Variants in PBX3 observed in about 807,000 individuals in gnomAD.
PBX3 encodes PBX homeobox 3, also known as pre-B-cell leukemia transcription factor 3.
Under a neutral mutation model 48.5 loss-of-function variants are expected in PBX3, and 14 were observed. That is an observed-to-expected ratio of 0.29 (90% confidence interval 0.19 to 0.45). PBX3 has a LOEUF of 0.45. PBX3 is among the 20% of genes least tolerant of loss of function. The pLI is 1.00. For synonymous variants in PBX3, 210 were observed against 200.3 expected (o/e 1.05, Z -0.41); for missense variants, 386 against 546.7 (o/e 0.71, Z 2.93).
rs1448182181 is a variant in PBX3 at position 125,804,966 on chromosome 9, AGAAG to A, written c.274+56344_274+56347del. On this transcript the variant is annotated intron_variant, in intron 2 of 8. Transcript: ENST00000373489. ...CTGTCTTAAAAAAAAAAAAAAAAAA[AGAAG>A]AAGAAGAAGAGGAAGAAGACAGATA... Among the ~76,000 whole-genome samples the A allele has an allele frequency of 8.7e-5, 6 of 68,722 alleles. No individual in the cohort carries two copies. In the East Asian group the frequency reaches 1.6e-3, roughly 19 times the overall value. 45.1% of individuals were successfully genotyped at this position (68,722 alleles called of 152,430 possible).
chr9:125,929,823 A>C lies in PBX3; in HGVS notation c.685A>C (p.Arg229=), dbSNP rs779158727. ...QSTCEAVMIL[R]SRFLDARRKR... is the part of the protein sequence containing the mutation. ...CACTTGTGAAGCAGTTATGATTTTA[A>C]GATCAAGGTTCCTTGATGCCAGGTA... Residue 229 remains arginine (R), a synonymous_variant, in exon 4 of 9, where the codon AGA becomes CGA. Transcript: ENST00000373489. 9 of 1,613,736 alleles carry C rather than the reference A, an allele frequency of 5.6e-6. No individual in the cohort carries two copies. Among genetic ancestry groups the C allele is most frequent in the South Asian group, 1.1e-5 (1 of 90,996 alleles).
At chr9:125,826,395 A>G (rs978024105) in intron 2 of PBX3, among the ~76,000 whole-genome samples, 1 of 152,188 alleles carries the variant, frequency 6.6e-6, no homozygotes, top group Non-Finnish European at 1.5e-5. Flanking sequence ...TGAAAATCAG[A>G]TAATATAAGT....
chr9:125,770,441 T>C (rs1239934406), intron 2 of PBX3, among the ~76,000 whole-genome samples: 2 of 152,188 alleles, frequency 1.3e-5, no homozygotes, highest in Non-Finnish European at 2.9e-5. Context: ...TTATTTTTGC[T>C]CCTCAATGAA....
chr9:125,904,999 A>G (rs945140659), intron 2 of PBX3, among the ~76,000 whole-genome samples: 3 of 151,940 alleles, frequency 2.0e-5, no homozygotes, highest in Non-Finnish European at 4.4e-5. Flanking sequence ...GTTCAAAATC[A>G]GGTCTCTTTA....
intron 2 of PBX3, among the ~76,000 whole-genome samples, chr9:125,815,108 A>C (rs1838419079): frequency 6.6e-6 from 1 of 152,150 alleles, no homozygotes; most frequent in African/African-American, 2.4e-5. Flanking sequence ...TTTTTGAAAG[A>C]CTGAAAGAAA....
chr9:125,751,181 T>C (rs1287509891), intron 2 of PBX3, among the ~76,000 whole-genome samples: 2 of 152,244 alleles, frequency 1.3e-5, no homozygotes, highest in Non-Finnish European at 2.9e-5. Context: ...TACCTAGTCA[T>C]TTATGAATAG....
At chr9:125,869,281 A>G (rs752600053) in intron 2 of PBX3, among the ~76,000 whole-genome samples, 9 of 152,222 alleles carry the variant, frequency 5.9e-5, no homozygotes, top group Non-Finnish European at 1.2e-4. Flanking sequence ...AGGATAGAGT[A>G]AGAAAGCCCA....
intron 2 of PBX3, among the ~76,000 whole-genome samples, chr9:125,841,894 C>T (rs1181107943): frequency 6.6e-6 from 1 of 152,016 alleles, no homozygotes; most frequent in African/African-American, 2.4e-5. Flanking sequence ...ATAGTTTGAC[C>T]TCAGTGCTTG....
At chr9:125,923,399 A>G (rs75638189) in intron 3 of PBX3, among the ~76,000 whole-genome samples, 5,466 of 152,252 alleles carry the variant, frequency 0.036, 341 homozygotes, top group African/African-American at 0.12. Context: ...GTGGCATTAG[A>G]AACGCTTCCA....
At chr9:125,922,550 A>G (rs10987035) in intron 3 of PBX3, among the ~76,000 whole-genome samples, 3,321 of 152,302 alleles carry the variant, frequency 0.022, 182 homozygotes, top group East Asian at 0.18. Flanking sequence ...TCACTTGGAA[A>G]ACACAAGGCA....
Position 125,899,328 on chromosome 9 carries a change from AAT to A in PBX3, c.275-16352_275-16351del, listed in dbSNP as rs869177499. 4.7e-3 allele frequency among the ~76,000 whole-genome samples: 476 copies of A among 102,130 alleles called. 15 individuals are homozygous for A. Among genetic ancestry groups the A allele is most frequent in the African/African-American group, 0.022 (452 of 20,534 alleles). The allele number at this position is 102,130 out of a possible 152,430, so 67.0% of individuals were successfully genotyped here. On this transcript the variant is annotated intron_variant, in intron 2 of 8. Coordinates refer to ENST00000373489, the MANE Select transcript of PBX3 (RefSeq NM_006195.6). The stretch of plus-strand genomic sequence containing the variant: ...ACATATATGTATATATTTTTATATA[AAT>A]ATATACATATATGTATATATTTTTA...
Position 125,796,063 on chromosome 9 carries a change from T to C in PBX3, c.274+47440T>C, listed in dbSNP as rs575746041. ...GCTTATCCTTTTGCAGTATTCTGCA[T>C]GTCTATTTTCTTTATTTGCGGTTAT... is the stretch of plus-strand genomic sequence containing the variant. On this transcript the variant is annotated intron_variant, in intron 2 of 8. Transcript: ENST00000373489. Among the ~76,000 whole-genome samples the C allele has an allele frequency of 2.6e-5, 4 of 151,786 alleles. No individual in the cohort carries two copies. The South Asian group carries it at 8.3e-4, about 32-fold the overall frequency.
At chr9:125,770,419 A>G (rs1564645579) in intron 2 of PBX3, among the ~76,000 whole-genome samples, 1 of 152,216 alleles carries the variant, frequency 6.6e-6, no homozygotes, top group Non-Finnish European at 1.5e-5. Flanking sequence ...GTACTTAGGC[A>G]TTAAAATATA....
chr9:125,817,734 A>AT (rs1313767160), intron 2 of PBX3, among the ~76,000 whole-genome samples: 4 of 152,074 alleles, frequency 2.6e-5, no homozygotes, highest in East Asian at 3.9e-4. Flanking sequence ...CTTACATCTT[A>AT]TTTTTTTTGT....
At chr9:125,922,115 T>C (rs1841470251) in intron 3 of PBX3, among the ~76,000 whole-genome samples, 1 of 152,184 alleles carries the variant, frequency 6.6e-6, no homozygotes, top group African/African-American at 2.4e-5. Context: ...AAAACTTTAA[T>C]TTTCTGTGTA....
intron 5 of PBX3, among the ~76,000 whole-genome samples, chr9:125,945,227 A>T (rs1842041549): frequency 1.1e-5 from 1 of 87,660 alleles, no homozygotes; most frequent in African/African-American, 3.0e-5. Flanking sequence ...CTGTCTCAAA[A>T]AGAAAAAAAA....
rs1383541881 is a variant in PBX3, at chr9:125,899,235, A to C, written c.275-16451A>C. On this transcript the variant is annotated intron_variant, in intron 2 of 8. Transcript: ENST00000373489. ...TATACATATGTATATATATTTATATATAAATATACATATGTATATATATTT... is the reference window on the plus strand; with the variant it reads ...TATACATATGTATATATATTTATATCTAAATATACATATGTATATATATTT... Among the ~76,000 whole-genome samples, 98 of 136,206 alleles carry C rather than the reference A, an allele frequency of 7.2e-4. 1 individual carries two copies. Among genetic ancestry groups the C allele is most frequent in the Non-Finnish European group, 1.1e-3 (71 of 63,258 alleles). 89.4% of individuals were successfully genotyped at this position (136,206 alleles called of 152,430 possible).
intron 2 of PBX3, among the ~76,000 whole-genome samples, chr9:125,793,209 A>G (rs185257984): frequency 0.02 from 2,973 of 150,024 alleles, 166 homozygotes; most frequent in East Asian, 0.17. Context: ...AAAATTAGCC[A>G]GGCGTGGTGG....
At chr9:125,787,345 A>G (rs564963393) in intron 2 of PBX3, among the ~76,000 whole-genome samples, 51 of 152,100 alleles carry the variant, frequency 3.4e-4, no homozygotes, top group African/African-American at 1.2e-3. Context: ...CAGGAAAGAT[A>G]ATCTCTTCAG....
Sources: gnomAD v4.1 joint callset for allele counts (sites outside exome capture counted in the v4.1 genomes callset) on GRCh38, gnomAD v4.1.1 for gene constraint, MANE v1.5 for transcripts, NCBI Gene and HGNC (gene_info 2026-07-23, HGNC 2026-07-21) for gene names.